ANKS1B: variants seen among roughly 807,000 people sequenced by gnomAD.
The protein encoded by ANKS1B is ankyrin repeat and sterile alpha motif domain-containing protein 1B.
Under a neutral mutation model 148.3 loss-of-function variants are expected in ANKS1B, and 36 were observed. That is an observed-to-expected ratio of 0.24 (90% confidence interval 0.19 to 0.32). The LOEUF is 0.32. Ranked by LOEUF, ANKS1B falls within the 10% of genes least tolerant of loss-of-function variation. The pLI is 1.00. For synonymous variants in ANKS1B, 542 were observed against 560.8 expected, an observed-to-expected ratio of 0.97 and a Z score of 0.47; for missense variants, 1,157 against 1,542.6, an observed-to-expected ratio of 0.75 and a Z score of 4.19.
intron 17 of ANKS1B, among the ~76,000 whole-genome samples, chr12:98,866,146 T>C (rs2099623546): frequency 6.6e-6 from 1 of 152,100 alleles, no homozygotes; most frequent in African/African-American, 2.4e-5. Context: ...CAAACGTTCA[T>C]ATCTAAAGCA....
At chr12:99,494,695 T>C (rs1312928511) in intron 10 of ANKS1B, among the ~76,000 whole-genome samples, 1 of 126,544 alleles carries the variant, frequency 7.9e-6, no homozygotes, top group Non-Finnish European at 1.5e-5. Context: ...ATCGTGCCCC[T>C]GCACTCCAGC....
At chr12:99,711,657 G>A (rs144945291) in intron 8 of ANKS1B, among the ~76,000 whole-genome samples, 57 of 151,964 alleles carry the variant, frequency 3.8e-4, no homozygotes, top group East Asian at 7.7e-4. Flanking sequence ...ATACCATCTC[G>A]CACCAATCAG....
chr12:99,937,305 A>G (rs1054852935), intron 1 of ANKS1B, among the ~76,000 whole-genome samples: 3 of 152,184 alleles, frequency 2.0e-5, no homozygotes, highest in Non-Finnish European at 2.9e-5. Flanking sequence ...CATCTTAACT[A>G]CCCAAGAAAG....
chr12:99,549,492 T>C (rs1208180194), intron 9 of ANKS1B, among the ~76,000 whole-genome samples: 5 of 152,224 alleles, frequency 3.3e-5, no homozygotes, highest in Non-Finnish European at 7.3e-5. Flanking sequence ...TTCTTCATTC[T>C]CTTTCTTCCT....
intron 17 of ANKS1B, among the ~76,000 whole-genome samples, chr12:98,928,707 A>G (rs1000458184): frequency 6.6e-6 from 1 of 152,002 alleles, no homozygotes; most frequent in Non-Finnish European, 1.5e-5. Context: ...AGCACAATAG[A>G]TGCAGGAATC....
chr12:99,746,101 C>A lies in ANKS1B; in HGVS notation c.1128+26821G>T, dbSNP rs147387966. 5.0e-3 allele frequency among the ~76,000 whole-genome samples: 756 copies of A among 152,228 alleles called. 10 individuals carry two copies. The highest frequency in any genetic ancestry group is 0.017 in the African/African-American group (723 of 41,558). The stretch of plus-strand genomic sequence containing the variant: ...AGTTTACATAACTGGTGAGCAGCAA[C>A]ACTAGGGTTTAAACCAGGGCCGTGT... On this transcript the variant is annotated intron_variant, in intron 8 of 26. Transcript: ENST00000683438.
chr12:99,968,586 AATC>A (rs1364944707), intron 1 of ANKS1B, among the ~76,000 whole-genome samples: 3 of 144,758 alleles, frequency 2.1e-5, no homozygotes, highest in South Asian at 2.2e-4. Flanking sequence ...TCAATCAATC[AATC>A]AATGCTGTGG....
At chr12:99,889,296 T>C (rs1026142490) in intron 1 of ANKS1B, among the ~76,000 whole-genome samples, 1 of 152,166 alleles carries the variant, frequency 6.6e-6, no homozygotes, top group Non-Finnish European at 1.5e-5. Context: ...GTAAGTAACA[T>C]AATTATCCAA....
intron 12 of ANKS1B, among the ~76,000 whole-genome samples, chr12:99,264,209 C>G (rs928663215): frequency 2.0e-5 from 3 of 152,064 alleles, no homozygotes; most frequent in African/African-American, 7.2e-5. Context: ...CATTCTTTAG[C>G]TCATAAACAA....
intron 14 of ANKS1B, among the ~76,000 whole-genome samples, chr12:99,189,698 A>T (rs1481744797): frequency 6.6e-6 from 1 of 152,332 alleles, no homozygotes; most frequent in Middle Eastern, 3.4e-3. Context: ...TCTCAAAATA[A>T]TAAGAGCTAT....
intron 8 of ANKS1B, among the ~76,000 whole-genome samples, chr12:99,772,170 G>A (rs996009216): frequency 6.6e-6 from 1 of 151,814 alleles, no homozygotes; most frequent in Admixed American, 6.6e-5. Flanking sequence ...TCTTGCTTTT[G>A]TGTTCATATA....
chr12:99,289,105 G>C (rs1408097835), intron 12 of ANKS1B, among the ~76,000 whole-genome samples: 1 of 151,946 alleles, frequency 6.6e-6, no homozygotes, highest in Non-Finnish European at 1.5e-5. Flanking sequence ...GCCAAAAAAA[G>C]GGCAGGAGTA....
intron 26 of ANKS1B, 105 bp from the exon 27 acceptor site, chr12:98,745,954 C>A (rs972688791): frequency 2.4e-6 from 3 of 1,257,244 alleles, no homozygotes; most frequent in Non-Finnish European, 3.2e-6. Flanking sequence ...GCCCCAGGCG[C>A]GGGGCGGCGA....
chr12:99,281,528 G>C (rs1340252616), intron 12 of ANKS1B, among the ~76,000 whole-genome samples: 1 of 152,172 alleles, frequency 6.6e-6, no homozygotes, highest in Non-Finnish European at 1.5e-5. Context: ...ATCCAGTCTG[G>C]CTCTTCTTAA....
At chr12:99,517,280 G>A (rs539675767) in intron 9 of ANKS1B, among the ~76,000 whole-genome samples, 1 of 152,136 alleles carries the variant, frequency 6.6e-6, no homozygotes, top group Non-Finnish European at 1.5e-5. Context: ...TATTGTAAGT[G>A]CAATAACTCT....
intron 1 of ANKS1B, among the ~76,000 whole-genome samples, chr12:99,962,626 C>T (rs192451038): frequency 8.9e-4 from 136 of 152,328 alleles, no homozygotes; most frequent in African/African-American, 3.0e-3. Context: ...AATCACCACA[C>T]TGTCTTCAAC....
intron 9 of ANKS1B, among the ~76,000 whole-genome samples, chr12:99,541,523 A>G (rs962619608): frequency 6.6e-6 from 1 of 152,186 alleles, no homozygotes; most frequent in African/African-American, 2.4e-5. Context: ...GACAAAATCC[A>G]CAAAATCATC....
At chr12:98,967,500 T>C (rs757573262) in intron 17 of ANKS1B, among the ~76,000 whole-genome samples, 2 of 151,656 alleles carry the variant, frequency 1.3e-5, no homozygotes, top group African/African-American at 4.9e-5. Flanking sequence ...ATATACATAC[T>C]GGTGTTCTGG....
At chr12:99,542,378 T>G (rs1387676140) in intron 9 of ANKS1B, among the ~76,000 whole-genome samples, 1 of 152,072 alleles carries the variant, frequency 6.6e-6, no homozygotes, top group Non-Finnish European at 1.5e-5. Context: ...ACACTAAAAA[T>G]TTAAAAACAT....
Sources: allele counts gnomAD v4.1 joint callset (sites outside exome capture counted in the v4.1 genomes callset), GRCh38; gene constraint gnomAD v4.1.1; transcripts MANE v1.5; gene names NCBI Gene and HGNC (gene_info 2026-07-23, HGNC 2026-07-21).